VPS13D: variants seen among roughly 807,000 people sequenced by gnomAD.
VPS13D encodes the protein vacuolar protein sorting 13 homolog D, also known as intermembrane lipid transfer protein VPS13D.
A neutral mutation model predicts 461.9 loss-of-function variants in VPS13D; 187 were observed. The observed-to-expected ratio is 0.40, with a 90% confidence interval of 0.36 to 0.46. The LOEUF is 0.46. Among genes scored for constraint, VPS13D ranks in the 20% least tolerant of loss-of-function variants. The pLI is 0.60. For synonymous variants in VPS13D, 1,951 were observed against 1,986.3 expected (o/e 0.98, Z 0.47); for missense variants, 4,711 against 5,364.9 (o/e 0.88, Z 3.81).
At chr1:12,342,842 G>A (rs1354022750) in intron 41 of VPS13D, 57 bp from the exon 42 acceptor site, 4 of 1,543,020 alleles carry the variant, frequency 2.6e-6, no homozygotes, top group East Asian at 4.5e-5. Context: ...CGGGGCTCCT[G>A]TGAGAGGGAG....
In VPS13D at chr1:12,455,987, A is replaced by T. The variant is rs1159355200; in HGVS notation, c.12334-11A>T. 17 of 1,594,122 alleles carry T rather than the reference A, an allele frequency of 1.1e-5. No individual in the cohort carries two copies. The East Asian group carries it at 3.8e-4, about 36-fold the overall frequency. On this transcript the variant is annotated splice_polypyrimidine_tract_variant and intron_variant, in intron 65 of 69. Transcript: ENST00000620676. ...CTTTAAAACTCTTCTCCTGCTTTTAACTCCTTCTAGTTTGCTGGAACATTA... is the reference window on the plus strand; with the variant it reads ...CTTTAAAACTCTTCTCCTGCTTTTATCTCCTTCTAGTTTGCTGGAACATTA...
chr1:12,289,358 C>T (rs913567494), intron 22 of VPS13D, among the ~76,000 whole-genome samples: 1 of 152,146 alleles, frequency 6.6e-6, no homozygotes, highest in African/African-American at 2.4e-5. Flanking sequence ...GCTGGGATTA[C>T]AGGCGTGAGC....
chr1:12,276,707 C>A lies in VPS13D; in HGVS notation c.3119C>A (p.Ala1040Asp). The change falls in exon 19 of 70, where the codon GCC (alanine) becomes GAC (aspartate). Residue 1040 changes from alanine (A) to aspartate (D), a missense_variant. Around this residue, in one of 3 missense-constraint regions of VPS13D, gnomAD observed 4,411 missense variants for 4,937.8 expected, o/e 0.89. Transcript: ENST00000620676. The surrounding 1 kb of genome is among the most constrained non-coding windows in gnomAD (Gnocchi z 4.5). ...IPTGSLRDSR[A>D]QSPVSGPNVA... ...ACGGGAAGCCTTCGGGATAGCAGGG[C>A]CCAGTCTCCTGTCTCTGGACCGAAT... 1 of 1,614,108 alleles carries A rather than the reference C, an allele frequency of 6.2e-7. No individual in the cohort carries two copies. Among genetic ancestry groups the A allele is most frequent in the Non-Finnish European group, 8.5e-7 (1 of 1,180,040 alleles).
chr1:12,482,804 G>GTA (rs1440566321), intron 67 of VPS13D, among the ~76,000 whole-genome samples: 1 of 149,364 alleles, frequency 6.7e-6, no homozygotes, highest in Admixed American at 6.7e-5. Context: ...ATATATACTA[G>GTA]TATATATATA....
Position 12,285,925 on chromosome 1 carries a change from C to T in VPS13D, c.5634+2189C>T, listed in dbSNP as rs549833603. Among the ~76,000 whole-genome samples, 97 of 149,024 alleles carry T rather than the reference C, an allele frequency of 6.5e-4. 4 individuals are homozygous for T. The South Asian group carries it at 0.02, about 31-fold the overall frequency. On this transcript the variant is annotated intron_variant, in intron 21 of 69. Coordinates refer to ENST00000620676, the MANE Select transcript of VPS13D (RefSeq NM_015378.4). ...ATTAAATAAAATGATGCATGAATTT[C>T]TTTCTTCCTTTCCTTTCCTTTCCTT...
At chr1:12,325,080 C>T (rs1282728465) in intron 35 of VPS13D, among the ~76,000 whole-genome samples, 2 of 151,946 alleles carry the variant, frequency 1.3e-5, no homozygotes, top group African/African-American at 4.8e-5. Flanking sequence ...TTCCTTCCAT[C>T]TTTTTTTTCC....
chr1:12,471,624 C>A (rs1321042809), intron 67 of VPS13D, among the ~76,000 whole-genome samples: 1 of 152,130 alleles, frequency 6.6e-6, no homozygotes, highest in Non-Finnish European at 1.5e-5. Flanking sequence ...TACATGTTTC[C>A]TTTCCCCATT....
At chr1:12,317,226 G>A (rs1403331958) in intron 30 of VPS13D, among the ~76,000 whole-genome samples, 2 of 152,100 alleles carry the variant, frequency 1.3e-5, no homozygotes, top group East Asian at 3.9e-4. Context: ...AGCCCATAGG[G>A]AAAGAAAGTG....
intron 20 of VPS13D, among the ~76,000 whole-genome samples, chr1:12,282,011 C>G (rs2101380660): frequency 6.6e-6 from 1 of 152,092 alleles, no homozygotes; most frequent in Admixed American, 6.5e-5. Context: ...CCTCTGCCTC[C>G]CAAGTAGCTG....
chr1:12,272,438 T>G (rs946207994), intron 17 of VPS13D, among the ~76,000 whole-genome samples: 1 of 150,746 alleles, frequency 6.6e-6, no homozygotes, highest in African/African-American at 2.4e-5. Flanking sequence ...TGTTTCTACA[T>G]AAAGTATGAC....
Position 12,415,101 on chromosome 1 carries a change from C to T in VPS13D, c.12045C>T (p.Thr4015=). ...LPLDLKALKS[T]LGFPLIRFED... is the part of the protein sequence containing the mutation. ...TCCCTAATTAGGCCCTAAAAAGCACCTTGGGGTTTCCTTTGATACGGTTTG... is the reference window on the plus strand; with the variant it reads ...TCCCTAATTAGGCCCTAAAAAGCACTTTGGGGTTTCCTTTGATACGGTTTG... The change falls in exon 64 of 70, where the codon ACC becomes ACT. Residue 4015 remains threonine, a synonymous_variant. Transcript: ENST00000620676. 1 of 1,613,836 alleles carries T rather than the reference C, an allele frequency of 6.2e-7. No individual in the cohort carries two copies. The highest frequency in any genetic ancestry group is 8.5e-7 in the Non-Finnish European group (1 of 1,179,900).
intron 65 of VPS13D, among the ~76,000 whole-genome samples, chr1:12,454,417 TAGAC>T (rs1481207459): frequency 2.6e-5 from 4 of 152,206 alleles, no homozygotes; most frequent in African/African-American, 7.2e-5. Context: ...ATTCTCTCAT[TAGAC>T]AGGCAGTGAT....
rs554985131 is a variant in VPS13D, at chr1:12,244,126, A to G, written c.176-120A>G. On this transcript the variant is annotated intron_variant, in intron 3 of 69. Transcript: ENST00000620676. ...GCAAGAGCCTGCTGCCTGTTGTTTT[A>G]AATAAAAAAAAGTAGTAACAGCAAT... 9.0e-6 allele frequency: 9 copies of G among 1,003,106 alleles called. No individual in the cohort carries two copies. In the African/African-American group the frequency reaches 1.1e-4, roughly 13 times the overall value. The allele number at this position is 1,003,106 out of a possible 1,614,324, so 62.1% of individuals were successfully genotyped here.
intron 65 of VPS13D, among the ~76,000 whole-genome samples, chr1:12,448,098 G>A (rs1645217000): frequency 1.3e-5 from 2 of 152,124 alleles, no homozygotes; most frequent in South Asian, 4.1e-4. Flanking sequence ...AACTCCATGG[G>A]TGGTGTTCTC....
intron 52 of VPS13D, among the ~76,000 whole-genome samples, chr1:12,366,628 C>A (rs928984639): frequency 9.2e-5 from 14 of 152,266 alleles, no homozygotes; most frequent in African/African-American, 3.4e-4. Flanking sequence ...TTTGTTAATC[C>A]TTTTAAAATG....
chr1:12,362,295 A>G (rs1271585027), intron 50 of VPS13D, among the ~76,000 whole-genome samples: 2 of 152,230 alleles, frequency 1.3e-5, no homozygotes, highest in African/African-American at 4.8e-5. Context: ...TGAAATTTCC[A>G]CTGTATCTGT....
At chr1:12,466,780 G>A (rs914397416) in intron 67 of VPS13D, among the ~76,000 whole-genome samples, 5 of 152,134 alleles carry the variant, frequency 3.3e-5, no homozygotes, top group Non-Finnish European at 5.9e-5. Flanking sequence ...CTGCTGCTTG[G>A]GACAGCCATT....
At chr1:12,288,640 A>G (rs1227082676) in intron 22 of VPS13D, among the ~76,000 whole-genome samples, 2 of 151,418 alleles carry the variant, frequency 1.3e-5, no homozygotes, top group Admixed American at 6.6e-5. Context: ...GGGTGCCCAT[A>G]TAACTTTTTT....
At chr1:12,416,606 T>TAA in intron 64 of VPS13D, 54 bp from the exon 65 acceptor site, 1 of 1,567,500 alleles carries the variant, frequency 6.4e-7, no homozygotes, top group Non-Finnish European at 8.7e-7. Context: ...CACTGGTATC[T>TAA]GCAAATATAA....
Sources: allele counts gnomAD v4.1 joint callset (sites outside exome capture counted in the v4.1 genomes callset), GRCh38; gene constraint gnomAD v4.1.1; regional missense constraint gnomAD v4.1.1; non-coding constraint Gnocchi (gnomAD v3.1); transcripts MANE v1.5; gene names NCBI Gene and HGNC (gene_info 2026-07-23, HGNC 2026-07-21).